The following PPIL2 variants were observed in gnomAD, a reference collection of about 807,000 sequenced individuals.
PPIL2 encodes RING-type E3 ubiquitin-protein ligase PPIL2.
Under a neutral mutation model 75.2 loss-of-function variants are expected in PPIL2, and 50 were observed. The observed-to-expected ratio is 0.66, with a 90% CI of 0.53 to 0.84. The LOEUF is 0.84. PPIL2 is among the 40% of genes least tolerant of loss of function. The probability of loss-of-function intolerance (pLI) is 0.00; values close to 1 mark genes in which losing one functional copy is unlikely to be tolerated. For missense variants in PPIL2, 590 were observed against 685.0 expected (o/e 0.86, Z 1.55); for synonymous variants, 245 against 258.8 (o/e 0.95, Z 0.51).
chr22:21,698,111 T>C (rs1397446251), downstream of PPIL2: 1 of 152,208 alleles, frequency 6.6e-6, no homozygotes, highest in African/African-American at 2.4e-5. Context: ...TGATATTGTT[T>C]AGGAATTTAA....
chr22:21,680,878 T>G (rs1601544586), intron 6 of PPIL2, among the ~76,000 whole-genome samples: 1 of 132,896 alleles, frequency 7.5e-6, no homozygotes, highest in Non-Finnish European at 1.6e-5. Context: ...AAAAAGACAG[T>G]AGGCAGGCAA....
At position 21,683,215 on chromosome 22, in the gene PPIL2, A is replaced by G. The variant is rs763310062; in HGVS notation, c.511A>G (p.Asn171Asp). ...PTNLDKFNVS[N>D]FYHVKNNMKI... ...CAATTTGGACAAGTTCAATGTCTCT[A>G]ACTTCTATCATGTGAAGAATAACAT... Residue 171 changes from asparagine to aspartate, a missense_variant, in exon 9 of 20, where the codon AAC (asparagine) becomes GAC (aspartate). Transcript: ENST00000398831. 3.1e-6 allele frequency: 5 copies of G among 1,613,722 alleles called. No individual in the cohort carries two copies. The Admixed American group carries it at 8.3e-5, about 27-fold the overall frequency.
At chr22:21,689,674 C>T (rs138142822) in intron 15 of PPIL2, among the ~76,000 whole-genome samples, 164 of 152,288 alleles carry the variant, frequency 1.1e-3, no homozygotes, top group African/African-American at 3.7e-3. Flanking sequence ...ACATCAGTCA[C>T]GTCACCGTCA....
chr22:21,687,986 T>C, intron 13 of PPIL2, 87 bp from the exon 14 acceptor site: 9 of 1,539,078 alleles, frequency 5.8e-6, no homozygotes, highest in Non-Finnish European at 8.1e-6. Context: ...TGTGGAGCCA[T>C]CTGGCAGGAG....
Position 21,683,178 on chromosome 22 carries a change from A to G in PPIL2, c.478-4A>G, listed in dbSNP as rs1364142693. The G allele has an allele frequency of 6.2e-7, 1 of 1,612,250 alleles. No homozygotes were observed. The highest frequency in any genetic ancestry group is 8.5e-7 in the Non-Finnish European group (1 of 1,178,268). Reference sequence around the variant, plus strand: ...CTCTGCTGGGCATTCTCTTTTTGCCACAGGACCCCACCAATTTGGACAAGT... The same window carrying G: ...CTCTGCTGGGCATTCTCTTTTTGCCGCAGGACCCCACCAATTTGGACAAGT... On this transcript the variant is annotated splice_region_variant and splice_polypyrimidine_tract_variant and intron_variant, in intron 8 of 19. Transcript: ENST00000398831.
At chr22:21,673,524 G>C (rs2066716795) in intron 5 of PPIL2, 1 of 152,308 alleles carries the variant, frequency 6.6e-6, no homozygotes, top group Admixed American at 6.5e-5. Flanking sequence ...TACTCTTTGG[G>C]GTTCCCAAAC....
At chr22:21,669,275 G>GT (rs2066528632) in intron 1 of PPIL2, 1 of 358,032 alleles carries the variant, frequency 2.8e-6, no homozygotes, top group African/African-American at 2.1e-5. Context: ...AGTCTTTGGA[G>GT]TAGCTGGGAC....
intron 1 of PPIL2, among the ~76,000 whole-genome samples, chr22:21,668,193 C>G (rs553362985): frequency 3.8e-4 from 58 of 152,206 alleles, no homozygotes; most frequent in African/African-American, 1.4e-3. Context: ...AAGCAGACAC[C>G]CTTGTGGCCA....
chr22:21,675,486 A>G (rs1432637827), intron 6 of PPIL2, among the ~76,000 whole-genome samples: 3 of 152,188 alleles, frequency 2.0e-5, no homozygotes, highest in Non-Finnish European at 4.4e-5. Context: ...CAGTGAGCCA[A>G]GATGGTGCCA....
rs1303896148 is a variant in PPIL2 at position 21,686,880 on chromosome 22, C to T, written c.791-12C>T. 3.1e-6 allele frequency: 5 copies of T among 1,613,444 alleles called. No individual in the cohort carries two copies. The highest frequency in any genetic ancestry group is 8.5e-7 in the Non-Finnish European group (1 of 1,179,728). ...GTGAGGGCAGGGGCTGAGCTGGGAC[C>T]TTGGCTTGTAGCTGCCATCGACGAG... On this transcript the variant is annotated splice_polypyrimidine_tract_variant and intron_variant, in intron 11 of 19. Transcript: ENST00000398831.
At chr22:21,686,777 C>A in intron 11 of PPIL2, 115 bp from the exon 12 acceptor site, 1 of 1,144,822 alleles carries the variant, frequency 8.7e-7, no homozygotes, top group Non-Finnish European at 1.3e-6. Context: ...AGCTCCCCTG[C>A]TCTCCCCAGA....
At chr22:21,689,216 G>C (rs1569040455) in intron 15 of PPIL2, among the ~76,000 whole-genome samples, 1 of 152,214 alleles carries the variant, frequency 6.6e-6, no homozygotes, top group African/African-American at 2.4e-5. Context: ...GGCGCCTGGA[G>C]AGACACAGGA....
intron 13 of PPIL2, 123 bp from the exon 14 acceptor site, chr22:21,687,950 C>T: frequency 3.0e-6 from 4 of 1,321,274 alleles, no homozygotes; most frequent in South Asian, 2.5e-5. Context: ...GAGGGCCCCT[C>T]ATTATCACCA....
chr22:21,693,707 C>A, intron 15 of PPIL2, 109 bp from the exon 16 acceptor site: 2 of 1,117,610 alleles, frequency 1.8e-6, no homozygotes, highest in Non-Finnish European at 2.7e-6. Context: ...GTGGAAGCTG[C>A]AGGTTCCCAG....
intron 6 of PPIL2, among the ~76,000 whole-genome samples, chr22:21,679,426 C>G (rs1028534662): frequency 2.1e-5 from 3 of 145,460 alleles, no homozygotes; most frequent in Non-Finnish European, 3.0e-5. Context: ...ATAATGAAAC[C>G]TTGTCTCTAC....
chr22:21,669,716 T>G (rs1318198989), intron 1 of PPIL2, among the ~76,000 whole-genome samples, 197 bp from the exon 2 acceptor site: 2 of 152,172 alleles, frequency 1.3e-5, no homozygotes, highest in Non-Finnish European at 2.9e-5. Flanking sequence ...GCCAGGCTTG[T>G]CTTAAACTTC....
intron 6 of PPIL2, 22 bp downstream of exon 6, chr22:21,675,137 A>C: frequency 6.2e-7 from 1 of 1,606,832 alleles, no homozygotes; most frequent in South Asian, 1.1e-5. Flanking sequence ...TATCACAGCC[A>C]ATTCTGGGCT....
In PPIL2 at chr22:21,667,152, A is replaced by ATTTTT. The variant is rs747410460; in HGVS notation, c.32+1038_32+1042dup. Among the ~76,000 whole-genome samples, 21 of 106,568 alleles carry ATTTTT rather than the reference A, an allele frequency of 2.0e-4. 1 individual carries two copies. The highest frequency in any genetic ancestry group is 3.1e-4 in the Non-Finnish European group (17 of 54,846). 69.9% of individuals were successfully genotyped at this position (106,568 alleles called of 152,430 possible). A position where few individuals can be genotyped will look rare whatever the true frequency, so the allele number is the denominator to read the frequency against. ...ATATAGTATTCAATCCTCAGTCCTCATTTTTTTTTTTTTTTTTTTTTGAGA... is the reference window on the plus strand; with the variant it reads ...ATATAGTATTCAATCCTCAGTCCTCATTTTTTTTTTTTTTTTTTTTTTTTTTGAGA... On this transcript the variant is annotated intron_variant, in intron 1 of 19. Coordinates refer to ENST00000398831, the MANE Select transcript of PPIL2 (RefSeq NM_014337.4).
In PPIL2 at chr22:21,687,623, G is replaced by C. The variant is rs1461971067; in HGVS notation, c.898-20G>C. The stretch of plus-strand genomic sequence containing the variant: ...TTTGGCAGCTCTCTGCTTCATACAA[G>C]TATTGGGGCTATGTTGCAGACACCA... On this transcript the variant is annotated intron_variant, in intron 12 of 19. Transcript: ENST00000398831. The C allele has an allele frequency of 3.1e-6, 4 of 1,297,208 alleles. No homozygotes were observed. The highest frequency in any genetic ancestry group is 4.2e-6 in the Non-Finnish European group (4 of 950,420). 80.4% of individuals were successfully genotyped at this position (1,297,208 alleles called of 1,614,324 possible).
Sources: gnomAD v4.1 joint callset for allele counts (sites outside exome capture counted in the v4.1 genomes callset) on GRCh38, gnomAD v4.1.1 for gene constraint, MANE v1.5 for transcripts, NCBI Gene and HGNC (gene_info 2026-07-23, HGNC 2026-07-21) for gene names.